Variants in PCDH15 observed in about 807,000 individuals in gnomAD.
PCDH15 encodes protocadherin-15.
In PCDH15, 129 loss-of-function variants were observed where a neutral mutation model predicts 178.5. The ratio of observed to expected loss-of-function variants is 0.72; its 90% CI spans 0.63 to 0.84. PCDH15 has a LOEUF of 0.84. PCDH15 is among the 40% of genes least tolerant of loss of function. The pLI, the probability that PCDH15 is intolerant of heterozygous loss-of-function variation, is 0.00. For missense variants in PCDH15, 2,230 were observed against 2,099.9 expected (o/e 1.06, Z -1.21); for synonymous variants, 800 against 732.0 (o/e 1.09, Z -1.50).
At chr10:54,293,047 T>C (rs1427116972) in intron 8 of PCDH15, among the ~76,000 whole-genome samples, 2 of 152,116 alleles carry the variant, frequency 1.3e-5, no homozygotes, top group South Asian at 2.1e-4. Flanking sequence ...GGAGGCATCA[T>C]GTAACCTGAC....
chr10:54,923,638 T>G (rs1837548128), intron 2 of PCDH15, among the ~76,000 whole-genome samples: 1 of 137,990 alleles, frequency 7.2e-6, no homozygotes, highest in Non-Finnish European at 1.7e-5. Flanking sequence ...AGATTATCTC[T>G]CTCAAGTTCA....
chr10:55,254,031 A>G (rs1283733431), intron 1 of PCDH15, among the ~76,000 whole-genome samples: 4 of 152,162 alleles, frequency 2.6e-5, no homozygotes, highest in Non-Finnish European at 5.9e-5. Context: ...CATCTTTTAT[A>G]CACAGGTCTT....
At chr10:54,442,077 A>C (rs976324527) in intron 3 of PCDH15, among the ~76,000 whole-genome samples, 5 of 151,638 alleles carry the variant, frequency 3.3e-5, no homozygotes, top group African/African-American at 1.2e-4. Context: ...AAACAAGTAA[A>C]GTTGCCATAA....
At chr10:55,177,076 G>C (rs769134346) in intron 1 of PCDH15, among the ~76,000 whole-genome samples, 1 of 152,056 alleles carries the variant, frequency 6.6e-6, no homozygotes, top group Non-Finnish European at 1.5e-5. Context: ...TTTAAGGCTC[G>C]GCTCTATCAG....
At chr10:54,424,735 C>T (rs1472828087) in intron 3 of PCDH15, among the ~76,000 whole-genome samples, 1 of 151,858 alleles carries the variant, frequency 6.6e-6, no homozygotes, top group East Asian at 2.0e-4. Context: ...TGGTAACCAT[C>T]ATTCTGAGCA....
chr10:53,827,689 T>C (rs2076775305), intron 31 of PCDH15, 141 bp from the exon 32 acceptor site: 1 of 1,014,250 alleles, frequency 9.9e-7, no homozygotes, highest in Non-Finnish European at 1.5e-6. Flanking sequence ...TATAAACAGA[T>C]GTAATTACAA....
intron 2 of PCDH15, chr10:54,619,277 C>T (rs1381685250): frequency 6.6e-6 from 1 of 151,924 alleles, no homozygotes; most frequent in Non-Finnish European, 1.5e-5. Flanking sequence ...CATCAATTCT[C>T]TCACATGGCA....
intron 15 of PCDH15, among the ~76,000 whole-genome samples, chr10:54,105,315 TATAC>T (rs1454027441): frequency 1.7e-3 from 129 of 76,288 alleles, no homozygotes; most frequent in African/African-American, 6.8e-3. Flanking sequence ...TATATATATA[TATAC>T]ACACACACAT....
chr10:54,973,516 T>G (rs1255236440), intron 2 of PCDH15, among the ~76,000 whole-genome samples: 1 of 152,228 alleles, frequency 6.6e-6, no homozygotes, highest in Non-Finnish European at 1.5e-5. Flanking sequence ...GAATCTTTAT[T>G]TTTGCTCCCA....
At chr10:54,794,502 T>C (rs941184549) in intron 1 of PCDH15, among the ~76,000 whole-genome samples, 2 of 151,886 alleles carry the variant, frequency 1.3e-5, no homozygotes, top group African/African-American at 4.8e-5. Flanking sequence ...TGAAAAATAT[T>C]AGCACACCAA....
intron 2 of PCDH15, among the ~76,000 whole-genome samples, chr10:55,093,539 A>G (rs906489359): frequency 6.7e-6 from 1 of 149,134 alleles, no homozygotes; most frequent in African/African-American, 2.5e-5. Flanking sequence ...TGTTTTAGTC[A>G]TGAAGTCCTT....
chr10:54,623,845 AG>A (rs2093462111), intron 2 of PCDH15, among the ~76,000 whole-genome samples: 1 of 152,138 alleles, frequency 6.6e-6, no homozygotes, highest in Non-Finnish European at 1.5e-5. Context: ...AACTATTACT[AG>A]GATCCATTAG....
chr10:53,917,963 C>T (rs2083667329), intron 25 of PCDH15, among the ~76,000 whole-genome samples: 1 of 152,156 alleles, frequency 6.6e-6, no homozygotes, highest in Non-Finnish European at 1.5e-5. Context: ...TCTCCCTTCA[C>T]TTTCCACCAT....
intron 2 of PCDH15, among the ~76,000 whole-genome samples, chr10:55,467,252 G>C (rs1839849923): frequency 6.6e-6 from 1 of 152,138 alleles, no homozygotes; most frequent in Non-Finnish European, 1.5e-5. Context: ...GCAGGCTGAG[G>C]CTAGTTCAGT....
chr10:55,466,209 T>C (rs1431197981), intron 2 of PCDH15, among the ~76,000 whole-genome samples: 2 of 152,096 alleles, frequency 1.3e-5, no homozygotes, highest in African/African-American at 4.8e-5. Flanking sequence ...GAAAAATAAG[T>C]CACATATCAA....
chr10:54,341,480 A>C (rs923582973), intron 6 of PCDH15, among the ~76,000 whole-genome samples: 2 of 152,182 alleles, frequency 1.3e-5, no homozygotes, highest in East Asian at 1.9e-4. Flanking sequence ...GAGTCAGTTA[A>C]ACCTCCTTTC....
chr10:54,193,142 A>G (rs1454734560), intron 11 of PCDH15, among the ~76,000 whole-genome samples: 1 of 152,222 alleles, frequency 6.6e-6, no homozygotes, highest in East Asian at 1.9e-4. Flanking sequence ...CAAAGGTTTT[A>G]GACCCCTGAG....
chr10:54,416,865 C>G (rs966168747), intron 3 of PCDH15, among the ~76,000 whole-genome samples: 1 of 152,182 alleles, frequency 6.6e-6, no homozygotes, highest in Admixed American at 6.5e-5. Context: ...TTGCACTTCT[C>G]TAATGATCCC....
intron 16 of PCDH15, among the ~76,000 whole-genome samples, chr10:54,089,781 T>C (rs2094569904): frequency 6.6e-6 from 1 of 152,176 alleles, no homozygotes. Flanking sequence ...AGATTTTACC[T>C]AGTAAAAATG....
Sources: allele counts gnomAD v4.1 joint callset (sites outside exome capture counted in the v4.1 genomes callset), GRCh38; gene constraint gnomAD v4.1.1; transcripts MANE v1.5; gene names NCBI Gene and HGNC (gene_info 2026-07-23, HGNC 2026-07-21).